PPARGC1A: variants seen among roughly 807,000 people sequenced by gnomAD.
The protein encoded by PPARGC1A is PPARG coactivator 1 alpha.
In PPARGC1A, 25 loss-of-function variants were observed where a neutral mutation model predicts 88.7. The ratio of observed to expected loss-of-function variants is 0.28; its 90% CI spans 0.21 to 0.39. The LOEUF (loss-of-function observed/expected upper bound fraction) is 0.39. Ranked by LOEUF, PPARGC1A falls within the 10% of genes least tolerant of loss-of-function variation. The pLI, the probability that PPARGC1A is intolerant of heterozygous loss-of-function variation, is 1.00. For missense variants in PPARGC1A, 880 were observed against 968.7 expected (o/e 0.91, Z 1.22); for synonymous variants, 363 against 355.6 (o/e 1.02, Z -0.24).
chr4:24,346,177 T>C, the PPARGC1A span, among the ~76,000 whole-genome samples: 3 of 152,200 alleles, frequency 2.0e-5, no homozygotes, highest in Admixed American at 6.5e-5. Flanking sequence ...TCAGATTCTG[T>C]TAGCTAGTAT....
chr4:24,144,595 C>T, the PPARGC1A span, among the ~76,000 whole-genome samples: 2 of 152,134 alleles, frequency 1.3e-5, no homozygotes, highest in South Asian at 2.1e-4. Context: ...CTCCAGAAAG[C>T]TGCATGGAAA....
At chr4:24,111,749 A>G in the PPARGC1A span, among the ~76,000 whole-genome samples, 4 of 152,214 alleles carry the variant, frequency 2.6e-5, no homozygotes, top group African/African-American at 9.6e-5. Context: ...CTTTCAAGCC[A>G]CTTAGGAATG....
At chr4:24,052,520 C>G in the PPARGC1A span, among the ~76,000 whole-genome samples, 1 of 151,882 alleles carries the variant, frequency 6.6e-6, no homozygotes, top group Admixed American at 6.6e-5. Flanking sequence ...ACCTGTAATC[C>G]CAGCTACTTG....
the PPARGC1A span, among the ~76,000 whole-genome samples, chr4:24,080,563 T>C: frequency 6.6e-6 from 1 of 152,122 alleles, no homozygotes; most frequent in African/African-American, 2.4e-5. Context: ...TGAGTGAAAC[T>C]GTAGACACCC....
the PPARGC1A span, among the ~76,000 whole-genome samples, chr4:24,109,778 G>T: frequency 1.3e-4 from 20 of 152,242 alleles, no homozygotes; most frequent in African/African-American, 4.1e-4. Flanking sequence ...TAGGAAGGAG[G>T]AACAAGTTCA....
the PPARGC1A span, among the ~76,000 whole-genome samples, chr4:24,047,963 T>C: frequency 2.0e-5 from 3 of 152,280 alleles, no homozygotes; most frequent in African/African-American, 4.8e-5. Flanking sequence ...TTCAGCACCA[T>C]TGAACTTAGT....
At chr4:23,902,494 T>C (rs1463071152), upstream of PPARGC1A, among the ~76,000 whole-genome samples, 1 of 152,154 alleles carries the variant, frequency 6.6e-6, no homozygotes, top group Non-Finnish European at 1.5e-5. Context: ...CAGCAATCCC[T>C]TCTAGAACAT....
At chr4:24,331,997 A>G in the PPARGC1A span, among the ~76,000 whole-genome samples, 1 of 151,136 alleles carries the variant, frequency 6.6e-6, no homozygotes, top group East Asian at 1.9e-4. Context: ...ATGTGTTGTC[A>G]CTGAGGTAAA....
At chr4:24,359,646 T>C in the PPARGC1A span, among the ~76,000 whole-genome samples, 5 of 152,298 alleles carry the variant, frequency 3.3e-5, no homozygotes, top group African/African-American at 1.2e-4. Context: ...TGGTTCAAGA[T>C]GGGCCCTAAT....
At chr4:23,995,539 G>C in the PPARGC1A span, among the ~76,000 whole-genome samples, 1 of 152,062 alleles carries the variant, frequency 6.6e-6, no homozygotes, top group African/African-American at 2.4e-5. Flanking sequence ...TTTTCTTTGT[G>C]AGCACCTCAC....
chr4:23,998,974 C>T, the PPARGC1A span, among the ~76,000 whole-genome samples: 1 of 152,156 alleles, frequency 6.6e-6, no homozygotes. Context: ...ACGTGTCATG[C>T]ACATTGAGAT....
At chr4:23,874,032 A>G (rs1207917098) in intron 2 of PPARGC1A, among the ~76,000 whole-genome samples, 1 of 152,146 alleles carries the variant, frequency 6.6e-6, no homozygotes, top group East Asian at 1.9e-4. Flanking sequence ...ACCCAAAGGA[A>G]ATGCTACCTC....
chr4:24,301,415 A>G, the PPARGC1A span, among the ~76,000 whole-genome samples: 1 of 152,090 alleles, frequency 6.6e-6, no homozygotes, highest in Non-Finnish European at 1.5e-5. Context: ...AAATAGCCCT[A>G]TGGGGTAGGT....
the PPARGC1A span, among the ~76,000 whole-genome samples, chr4:24,004,042 G>T: frequency 2.6e-5 from 4 of 152,112 alleles, no homozygotes; most frequent in Admixed American, 6.5e-5. Flanking sequence ...TCAGTCATAT[G>T]GTTTGTCCAT....
the PPARGC1A span, among the ~76,000 whole-genome samples, chr4:24,329,084 T>C: frequency 6.6e-6 from 1 of 152,104 alleles, no homozygotes; most frequent in East Asian, 1.9e-4. Flanking sequence ...ATAAGGATGC[T>C]ATTACGGGCT....
the PPARGC1A span, among the ~76,000 whole-genome samples, chr4:24,413,614 G>A: frequency 6.6e-6 from 1 of 152,160 alleles, no homozygotes; most frequent in African/African-American, 2.4e-5. Flanking sequence ...ATCCTTGTGG[G>A]GGGGTAGGGA....
chr4:24,156,886 C>T, the PPARGC1A span, among the ~76,000 whole-genome samples: 2 of 152,114 alleles, frequency 1.3e-5, no homozygotes, highest in Non-Finnish European at 2.9e-5. Context: ...TATAACTCTT[C>T]CTGGCCTGTT....
chr4:23,904,925 T>A (rs1253136101), upstream of PPARGC1A, among the ~76,000 whole-genome samples: 1 of 152,226 alleles, frequency 6.6e-6, no homozygotes, highest in East Asian at 1.9e-4. Context: ...AGCATTCTCC[T>A]TTTTGTTGTA....
chr4:24,471,858 G>C, the PPARGC1A span, among the ~76,000 whole-genome samples: 1 of 152,236 alleles, frequency 6.6e-6, no homozygotes, highest in Admixed American at 6.5e-5. This position sits in a 1 kb window ranked among gnomAD's most constrained non-coding sequence, Gnocchi z 5.4. Flanking sequence ...GTCAGGGGAC[G>C]CCTCTACTTG....
Sources: allele counts gnomAD v4.1 joint callset (sites outside exome capture counted in the v4.1 genomes callset), GRCh38; gene constraint gnomAD v4.1.1; non-coding constraint Gnocchi (gnomAD v3.1); transcripts MANE v1.5; gene names NCBI Gene and HGNC (gene_info 2026-07-23, HGNC 2026-07-21).